The following SHANK2 variants were observed in gnomAD, a reference collection of about 807,000 sequenced individuals.
SHANK2 encodes the protein SH3 and multiple ankyrin repeat domains protein 2.
SHANK2 carries 43 observed loss-of-function variants against 133.7 expected under a neutral mutation model. The ratio of observed to expected loss-of-function variants is 0.32; its 90% CI spans 0.25 to 0.41. The LOEUF is 0.41. Among genes scored for constraint, SHANK2 ranks in the 10% least tolerant of loss-of-function variants. The probability of loss-of-function intolerance (pLI) is 1.00; values close to 1 mark genes in which losing one functional copy is unlikely to be tolerated. For missense variants in SHANK2, 1,994 were observed against 2,235.8 expected (o/e 0.89, Z 2.18); for synonymous variants, 1,017 against 952.8 (o/e 1.07, Z -1.24).
At chr11:70,672,102 C>T (rs1237092343) in intron 15 of SHANK2, among the ~76,000 whole-genome samples, 2 of 144,192 alleles carry the variant, frequency 1.4e-5, no homozygotes, top group African/African-American at 2.6e-5. Context: ...CTTGTTCTAT[C>T]GCCCAGGCTG....
chr11:70,875,280 GC>G (rs1565376593), intron 11 of SHANK2, among the ~76,000 whole-genome samples: 1 of 151,990 alleles, frequency 6.6e-6, no homozygotes, highest in Non-Finnish European at 1.5e-5. Flanking sequence ...CACTCACTCC[GC>G]CCCCAGTAGA....
chr11:70,642,540 G>A, intron 17 of SHANK2, among the ~76,000 whole-genome samples: 1 of 152,226 alleles, frequency 6.6e-6, no homozygotes, highest in Non-Finnish European at 1.5e-5. Context: ...TCTAATCGCA[G>A]TTGAGGCGGG....
rs375585573 is a variant in SHANK2, at chr11:70,487,059, A to G, written c.3234T>C (p.Phe1078=). The part of the protein sequence containing the change: ...PDESLTVSSP[F]AAAIAGAVRD... The stretch of plus-strand genomic sequence containing the variant: ...GGACGGCTCCGGCGATGGCGGCGGC[A>G]AAGGGGCTGCTGACGGTCAGGCTTT... The change falls in exon 25 of 26, where the codon TTT becomes TTC. Residue 1078 remains phenylalanine (F), a synonymous_variant. Coordinates refer to ENST00000601538, the MANE Select transcript of SHANK2 (RefSeq NM_012309.5). The surrounding 1 kb of genome is among the most constrained non-coding windows in gnomAD (Gnocchi z 5.8). The G allele has an allele frequency of 3.4e-4, 551 of 1,609,072 alleles. 6 individuals carry two copies. In the East Asian group the frequency reaches 4.2e-3, roughly 12 times the overall value.
intron 17 of SHANK2, among the ~76,000 whole-genome samples, chr11:70,654,629 TC>T (rs1223828410): frequency 6.6e-6 from 1 of 152,212 alleles, no homozygotes; most frequent in Non-Finnish European, 1.5e-5. Flanking sequence ...CTTGTAAACA[TC>T]ATTTTTAATG....
intron 14 of SHANK2, among the ~76,000 whole-genome samples, chr11:70,777,467 C>CCATTT (rs781881411): frequency 1.3e-5 from 2 of 152,020 alleles, no homozygotes; most frequent in East Asian, 3.9e-4. Flanking sequence ...CCCTGCTAGC[C>CCATTT]CATTCATCCA....
At chr11:71,126,216 C>CAAAAAAA (rs1170621448) in intron 3 of SHANK2, among the ~76,000 whole-genome samples, 2,358 of 64,356 alleles carry the variant, frequency 0.037, 471 homozygotes, top group East Asian at 0.071. Context: ...GACTCCGTCT[C>CAAAAAAA]AAAAAAAAAA....
intron 17 of SHANK2, among the ~76,000 whole-genome samples, chr11:70,579,641 C>T (rs962872749): frequency 6.6e-5 from 10 of 152,246 alleles, no homozygotes; most frequent in African/African-American, 2.2e-4. Context: ...CCGGTGTCCC[C>T]GGGACCTGTC....
Position 70,830,808 on chromosome 11 carries a change from G to C in SHANK2, c.1175-10126C>G, listed in dbSNP as rs1948714842. On this transcript the variant is annotated intron_variant, in intron 11 of 25. Transcript: ENST00000601538. This position sits in a 1 kb window ranked among gnomAD's most constrained non-coding sequence, Gnocchi z 4.4. Reference sequence around the variant, plus strand: ...TGTCAGATGAGACAGACGAGGTTCAGAGAGGCTGAGCGCTAAGCTGCCCAG... The same window carrying C: ...TGTCAGATGAGACAGACGAGGTTCACAGAGGCTGAGCGCTAAGCTGCCCAG... Among the ~76,000 whole-genome samples, 1 of 152,240 alleles carries C rather than the reference G, an allele frequency of 6.6e-6. No homozygotes were observed. Among genetic ancestry groups the C allele is most frequent in the Non-Finnish European group, 1.5e-5 (1 of 68,048 alleles).
At position 70,500,438 on chromosome 11, in the gene SHANK2, G is replaced by C. The variant is rs1261697378; in HGVS notation, c.2308+132C>G. The C allele has an allele frequency of 7.9e-7, 1 of 1,271,798 alleles. No homozygotes were observed. The highest frequency in any genetic ancestry group is 2.5e-5 in the East Asian group (1 of 39,452). 78.8% of individuals were successfully genotyped at this position (1,271,798 alleles called of 1,614,324 possible). On this transcript the variant is annotated intron_variant, in intron 21 of 25. Coordinates refer to ENST00000601538, the MANE Select transcript of SHANK2 (RefSeq NM_012309.5). The surrounding 1 kb of genome is among the most constrained non-coding windows in gnomAD (Gnocchi z 4.5). The stretch of plus-strand genomic sequence containing the variant: ...GTGCTCCAGGGCGGCAGGGCTCCTC[G>C]GGCAGGACCCAGCAGGAGAAGCCAA...
intron 11 of SHANK2, among the ~76,000 whole-genome samples, chr11:70,845,869 G>C (rs550145883): frequency 6.6e-6 from 1 of 152,324 alleles, no homozygotes; most frequent in Admixed American, 6.5e-5. Context: ...GAAACCGCCA[G>C]TGTTTGTCTC....
intron 14 of SHANK2, among the ~76,000 whole-genome samples, chr11:70,723,200 G>A (rs1555029644): frequency 6.6e-6 from 1 of 152,062 alleles, no homozygotes; most frequent in Non-Finnish European, 1.5e-5. Context: ...CTTCCAAGTA[G>A]AATACAGCAA....
chr11:71,121,444 A>G (rs114608480), intron 3 of SHANK2, among the ~76,000 whole-genome samples: 1,717 of 152,342 alleles, frequency 0.011, 36 homozygotes, highest in African/African-American at 0.039. Flanking sequence ...GTCCTTAAAA[A>G]GGGAGTAAAT....
intron 12 of SHANK2, among the ~76,000 whole-genome samples, chr11:70,819,829 C>T (rs60664336): frequency 6.6e-6 from 1 of 152,190 alleles, no homozygotes; most frequent in Non-Finnish European, 1.5e-5. Flanking sequence ...CCTGCAGCTG[C>T]TGAGACAGCC....
At chr11:70,747,866 C>T (rs782396994) in intron 14 of SHANK2, among the ~76,000 whole-genome samples, 1 of 152,152 alleles carries the variant, frequency 6.6e-6, no homozygotes, top group Non-Finnish European at 1.5e-5. Context: ...TTTGTGTGTG[C>T]ATACATGCAC....
chr11:70,655,034 G>T (rs2061389236), intron 17 of SHANK2, among the ~76,000 whole-genome samples: 1 of 152,104 alleles, frequency 6.6e-6, no homozygotes, highest in Non-Finnish European at 1.5e-5. Context: ...CTCCCAAAGT[G>T]CTGGGATTAC....
At chr11:70,895,149 T>C (rs1469712184) in intron 11 of SHANK2, among the ~76,000 whole-genome samples, 1 of 152,238 alleles carries the variant, frequency 6.6e-6, no homozygotes, top group Non-Finnish European at 1.5e-5. Context: ...GCCCCGAGGC[T>C]CTGCACAGGT....
chr11:70,797,995 G>A (rs998796519), intron 14 of SHANK2, among the ~76,000 whole-genome samples: 3 of 152,156 alleles, frequency 2.0e-5, no homozygotes, highest in Non-Finnish European at 4.4e-5. Context: ...ATGCTGGAAT[G>A]GCTTCCCGTC....
intron 2 of SHANK2, among the ~76,000 whole-genome samples, chr11:71,154,467 G>C (rs1952860024): frequency 6.6e-6 from 1 of 152,190 alleles, no homozygotes; most frequent in South Asian, 2.1e-4. Context: ...AGAGAGAAAG[G>C]CACGCTGGCT....
At chr11:70,929,292 C>G (rs1555082128) in intron 10 of SHANK2, among the ~76,000 whole-genome samples, 1 of 152,202 alleles carries the variant, frequency 6.6e-6, no homozygotes, top group Non-Finnish European at 1.5e-5. Context: ...TGGGCAATTT[C>G]CTCATCTGTA....
Sources: allele counts gnomAD v4.1 joint callset (sites outside exome capture counted in the v4.1 genomes callset), GRCh38; gene constraint gnomAD v4.1.1; non-coding constraint Gnocchi (gnomAD v3.1); transcripts MANE v1.5; gene names NCBI Gene and HGNC (gene_info 2026-07-23, HGNC 2026-07-21).